Variants in TMEM40 observed in about 807,000 individuals in gnomAD.
TMEM40 encodes transmembrane protein 40.
In TMEM40, 34 loss-of-function variants were observed where a neutral mutation model predicts 40.8. The observed-to-expected ratio is 0.83, with a 90% CI of 0.63 to 1.11. The LOEUF (loss-of-function observed/expected upper bound fraction) is 1.11, where lower values mean the gene tolerates loss of function less well. Ranked by LOEUF, TMEM40 falls within the 50% of genes least tolerant of loss-of-function variation. TMEM40 has a pLI of 0.00. For missense variants in TMEM40, 296 were observed against 280.2 expected, an observed-to-expected ratio of 1.06 and a Z score of -0.40; for synonymous variants, 106 against 107.0, an observed-to-expected ratio of 0.99 and a Z score of 0.06.
At chr3:12,738,440 G>T in intron 6 of TMEM40, 113 bp downstream of exon 6, 2 of 1,270,486 alleles carry the variant, frequency 1.6e-6, no homozygotes, top group Non-Finnish European at 2.3e-6. Flanking sequence ...TGGGGCTCCT[G>T]TTTCTCAGAG....
chr3:12,742,275 A>G (rs1559526613), intron 5 of TMEM40, among the ~76,000 whole-genome samples, 179 bp downstream of exon 5: 1 of 152,006 alleles, frequency 6.6e-6, no homozygotes, highest in Non-Finnish European at 1.5e-5. Context: ...TTTCCCCAAG[A>G]CAATCTCATG....
At chr3:12,767,290 G>T (rs566980801) in intron 1 of TMEM40, among the ~76,000 whole-genome samples, 1 of 152,024 alleles carries the variant, frequency 6.6e-6, no homozygotes, top group Non-Finnish European at 1.5e-5. Context: ...GTATTCAATG[G>T]GTCAGAGGAA....
At chr3:12,767,894 T>A (rs755318807) in intron 1 of TMEM40, among the ~76,000 whole-genome samples, 8 of 152,102 alleles carry the variant, frequency 5.3e-5, no homozygotes, top group Non-Finnish European at 1.0e-4. Flanking sequence ...TTATAGCTTG[T>A]CCAGGAAGCA....
At chr3:12,757,066 T>G (rs972177470) in intron 1 of TMEM40, among the ~76,000 whole-genome samples, 4 of 152,168 alleles carry the variant, frequency 2.6e-5, no homozygotes, top group African/African-American at 9.7e-5. Flanking sequence ...AAAATGGGCA[T>G]GCCTACAACT....
intron 10 of TMEM40, among the ~76,000 whole-genome samples, 162 bp downstream of exon 10, chr3:12,736,416 C>T (rs1575728943): frequency 6.6e-6 from 1 of 152,134 alleles, no homozygotes. Flanking sequence ...TCCCAAAGTG[C>T]TGGGATTACA....
At chr3:12,768,842 G>C (rs1407196956) in intron 1 of TMEM40, among the ~76,000 whole-genome samples, 3 of 150,872 alleles carry the variant, frequency 2.0e-5, no homozygotes, top group South Asian at 2.1e-4. Flanking sequence ...CGTGGAGCAG[G>C]GGGCAGCGCT....
intron 1 of TMEM40, among the ~76,000 whole-genome samples, chr3:12,753,211 CTTTTTTTT>C (rs56739791): frequency 6.7e-4 from 51 of 76,316 alleles, no homozygotes; most frequent in African/African-American, 2.2e-3. Flanking sequence ...TTCTTTCTTT[CTTTTTTTT>C]TTTTTTTTTT....
upstream of TMEM40, among the ~76,000 whole-genome samples, chr3:12,763,015 C>A (rs1190994956): frequency 3.3e-5 from 5 of 151,908 alleles, no homozygotes; most frequent in African/African-American, 1.2e-4. Context: ...AAAAAATTAG[C>A]CGGGCGTGGT....
rs1303447674 is a variant in TMEM40 at position 12,738,572 on chromosome 3, CA to C, written c.371del (p.Val124GlyfsTer26). On this transcript the variant is annotated frameshift_variant, in exon 6 of 12. Transcript: ENST00000314124. LOFTEE classifies it high-confidence loss of function. ...ACTCACCTGATTCCCCAGAGGGTACCACCTCTCCAGGAGCATCTGCACAGAA... is the reference window on the plus strand; with the variant it reads ...ACTCACCTGATTCCCCAGAGGGTACCCCTCTCCAGGAGCATCTGCACAGAA... ...LQLYGDAPGE[V>X]VPSGESGLRR... 1 of 1,614,094 alleles carries C rather than the reference CA, an allele frequency of 6.2e-7. No individual in the cohort carries two copies. Among genetic ancestry groups the C allele is most frequent in the Admixed American group, 1.7e-5 (1 of 60,022 alleles).
chr3:12,768,119 G>A, intron 1 of TMEM40, among the ~76,000 whole-genome samples: 1 of 152,156 alleles, frequency 6.6e-6, no homozygotes, highest in Non-Finnish European at 1.5e-5. Context: ...CGGTCTCGCT[G>A]GCTCAGGAAT....
At chr3:12,745,650 T>C (rs2061421507) in intron 3 of TMEM40, among the ~76,000 whole-genome samples, 1 of 152,156 alleles carries the variant, frequency 6.6e-6, no homozygotes, top group Non-Finnish European at 1.5e-5. Flanking sequence ...GATTTCCCCA[T>C]GTTGCCCACG....
chr3:12,741,892 C>T lies in TMEM40; in HGVS notation c.355+562G>A, dbSNP rs148071800. 7.6e-3 allele frequency among the ~76,000 whole-genome samples: 1,152 copies of T among 151,930 alleles called. 18 individuals carry two copies. Among genetic ancestry groups the T allele is most frequent in the Admixed American group, 0.031 (472 of 15,250 alleles). ...GGAGGATCACTTGAGCTCAGTAGTT[C>T]GAGACCAGCCTGGGCAACATGGCAA... On this transcript the variant is annotated intron_variant, in intron 5 of 11. Transcript: ENST00000314124.
chr3:12,756,917 A>G (rs1457949307), intron 1 of TMEM40, among the ~76,000 whole-genome samples: 1 of 152,012 alleles, frequency 6.6e-6, no homozygotes, highest in Admixed American at 6.6e-5. Flanking sequence ...ACAAAAAGGT[A>G]GCATCCAGCA....
intron 7 of TMEM40, 100 bp from the exon 8 acceptor site, chr3:12,737,854 C>T (rs1243192011): frequency 4.0e-6 from 5 of 1,265,462 alleles, no homozygotes; most frequent in Non-Finnish European, 4.6e-6. Context: ...CTGGGTATAT[C>T]TTCCTGGGTC....
upstream of TMEM40, among the ~76,000 whole-genome samples, chr3:12,762,562 G>A (rs918939005): frequency 1.3e-5 from 2 of 152,114 alleles, no homozygotes; most frequent in African/African-American, 2.4e-5. Flanking sequence ...AAGCACACAC[G>A]CTCATATCTT....
intron 10 of TMEM40, among the ~76,000 whole-genome samples, chr3:12,735,878 T>G (rs1266113840): frequency 1.3e-5 from 2 of 152,216 alleles, no homozygotes; most frequent in Non-Finnish European, 2.9e-5. Flanking sequence ...TCTGGCTAGT[T>G]CTATTTTGTT....
intron 1 of TMEM40, among the ~76,000 whole-genome samples, chr3:12,753,211 C>CTTTT (rs56739791): frequency 0.018 from 1,363 of 76,292 alleles, no homozygotes; most frequent in East Asian, 0.04. Flanking sequence ...TTCTTTCTTT[C>CTTTT]TTTTTTTTTT....
intron 1 of TMEM40, among the ~76,000 whole-genome samples, chr3:12,755,436 C>T (rs931849933): frequency 1.3e-5 from 2 of 151,696 alleles, no homozygotes; most frequent in Admixed American, 6.6e-5. Context: ...GTGTGCTGAG[C>T]CACTGCACCT....
intron 3 of TMEM40, among the ~76,000 whole-genome samples, chr3:12,746,748 A>G (rs890915728): frequency 5.3e-5 from 8 of 152,124 alleles, no homozygotes; most frequent in African/African-American, 1.9e-4. Flanking sequence ...GCTTTCTCTT[A>G]GCGCTCCATT....
Sources: allele counts gnomAD v4.1 joint callset (sites outside exome capture counted in the v4.1 genomes callset), GRCh38; gene constraint gnomAD v4.1.1; transcripts MANE v1.5; gene names NCBI Gene and HGNC (gene_info 2026-07-23, HGNC 2026-07-21).